TAFA2: variants seen among roughly 807,000 people sequenced by gnomAD.
TAFA2 encodes TAFA chemokine like family member 2.
A neutral mutation model predicts 18.8 loss-of-function variants in TAFA2; 7 were observed. That is an observed-to-expected ratio of 0.37 (90% CI 0.21 to 0.70). The LOEUF (loss-of-function observed/expected upper bound fraction) is 0.70, where lower values mean the gene tolerates loss of function less well. TAFA2 is among the 30% of genes least tolerant of loss of function. The pLI is 0.53. For synonymous variants in TAFA2, 60 were observed against 54.2 expected, an observed-to-expected ratio of 1.11 and a Z score of -0.47; for missense variants, 122 against 158.1, an observed-to-expected ratio of 0.77 and a Z score of 1.23.
chr12:61,816,776 G>C (rs1287374706), intron 2 of TAFA2, among the ~76,000 whole-genome samples: 2 of 151,200 alleles, frequency 1.3e-5, no homozygotes, highest in Non-Finnish European at 2.9e-5. Context: ...TTATTGAGGA[G>C]GTATTTAAGC....
intron 1 of TAFA2, among the ~76,000 whole-genome samples, chr12:61,953,121 G>A (rs748316321): frequency 6.6e-6 from 1 of 151,954 alleles, no homozygotes; most frequent in African/African-American, 2.4e-5. Flanking sequence ...TTCTTCTTGA[G>A]GTGAAGAGAA....
rs17126025 is a variant in TAFA2 at position 62,215,092 on chromosome 12, T to A, written c.-130+43671A>T. Among the ~76,000 whole-genome samples, 1,151 of 152,252 alleles carry A rather than the reference T, an allele frequency of 7.6e-3. 16 individuals are homozygous for A. The highest frequency in any genetic ancestry group is 0.027 in the African/African-American group (1,117 of 41,542). ...TAAGAGAGAGTACTAAGAAGTGAAA[T>A]CATTACTTTTGCACAAGCTATCTCT... On this transcript the variant is annotated intron_variant, in intron 1 of 5. Transcript: ENST00000551619.
intron 1 of TAFA2, among the ~76,000 whole-genome samples, chr12:62,054,886 A>G (rs949542271): frequency 5.9e-5 from 9 of 152,232 alleles, no homozygotes; most frequent in African/African-American, 2.2e-4. Flanking sequence ...TTTTTAAAAC[A>G]GTATTTTTTT....
In TAFA2 at chr12:62,010,019, T is replaced by C. The variant is rs369024194; in HGVS notation, c.-1-142593A>G. Among the ~76,000 whole-genome samples, 3 of 152,208 alleles carry C rather than the reference T, an allele frequency of 2.0e-5. No individual in the cohort carries two copies. In the East Asian group the frequency reaches 5.8e-4, roughly 29 times the overall value. On this transcript the variant is annotated intron_variant, in intron 1 of 4. Coordinates refer to ENST00000416284, the MANE Select transcript of TAFA2 (RefSeq NM_178539.5). Reference sequence around the variant, plus strand: ...GGTCAATTGAGGTAGTCTCATAACATATTTAAATGTGCCTAAGAAACACAC... The same window carrying C: ...GGTCAATTGAGGTAGTCTCATAACACATTTAAATGTGCCTAAGAAACACAC...
chr12:62,146,854 G>A (rs1409387147), intron 1 of TAFA2, among the ~76,000 whole-genome samples: 1 of 152,024 alleles, frequency 6.6e-6, no homozygotes, highest in Non-Finnish European at 1.5e-5. Flanking sequence ...CTTCTTTTGG[G>A]AGCTTTAAAA....
chr12:61,740,262 T>G (rs768151183), intron 4 of TAFA2, among the ~76,000 whole-genome samples: 1 of 151,648 alleles, frequency 6.6e-6, no homozygotes, highest in Non-Finnish European at 1.5e-5. Flanking sequence ...TTCTCACTCA[T>G]AAGTGGGAGT....
At chr12:61,721,250 G>T (rs1869884502) in intron 4 of TAFA2, among the ~76,000 whole-genome samples, 1 of 152,018 alleles carries the variant, frequency 6.6e-6, no homozygotes, top group South Asian at 2.1e-4. Flanking sequence ...TAAGAAAAAA[G>T]TTCATTAAAA....
chr12:62,090,755 T>A (rs1379930393), intron 1 of TAFA2, among the ~76,000 whole-genome samples: 1 of 152,102 alleles, frequency 6.6e-6, no homozygotes. Context: ...TCATTTTCCA[T>A]GGAAAATATT....
chr12:61,719,768 T>C (rs1283916282), intron 4 of TAFA2, among the ~76,000 whole-genome samples: 5 of 152,166 alleles, frequency 3.3e-5, no homozygotes, highest in Non-Finnish European at 7.3e-5. Flanking sequence ...GAAGAATATG[T>C]TGCTGTCACT....
intron 1 of TAFA2, among the ~76,000 whole-genome samples, chr12:61,990,362 CAG>C (rs1455271896): frequency 4.8e-5 from 2 of 41,600 alleles, no homozygotes; most frequent in Non-Finnish European, 8.5e-5. Flanking sequence ...TTTTTTGAGG[CAG>C]AGTCTCGCTC....
chr12:62,180,435 G>C (rs535008581), intron 1 of TAFA2, among the ~76,000 whole-genome samples: 1 of 152,094 alleles, frequency 6.6e-6, no homozygotes, highest in Non-Finnish European at 1.5e-5. Flanking sequence ...CATATTCAAG[G>C]GTTTTGAGAA....
chr12:62,110,435 TTTTC>T (rs887386212), intron 1 of TAFA2, among the ~76,000 whole-genome samples: 1 of 152,068 alleles, frequency 6.6e-6, no homozygotes, highest in African/African-American at 2.4e-5. Flanking sequence ...TGGCCTGGAA[TTTTC>T]TTTTTTTCTT....
At chr12:61,806,514 C>T (rs891847930) in intron 2 of TAFA2, among the ~76,000 whole-genome samples, 1 of 152,120 alleles carries the variant, frequency 6.6e-6, no homozygotes, top group African/African-American at 2.4e-5. Context: ...TAAATTGATA[C>T]CGGTAGAGTG....
At chr12:62,251,806 G>C (rs1455000454) in intron 1 of TAFA2, among the ~76,000 whole-genome samples, 1 of 151,920 alleles carries the variant, frequency 6.6e-6, no homozygotes, top group Non-Finnish European at 1.5e-5. Flanking sequence ...AACTACACAG[G>C]GTGCCTCTTT....
chr12:61,741,005 A>C (rs570596982), intron 4 of TAFA2, among the ~76,000 whole-genome samples: 1 of 152,156 alleles, frequency 6.6e-6, no homozygotes, highest in East Asian at 1.9e-4. Flanking sequence ...TTTTTGTTTT[A>C]ATTTGGCAAT....
intron 1 of TAFA2, among the ~76,000 whole-genome samples, chr12:61,881,337 G>A (rs1348903641): frequency 6.6e-6 from 1 of 152,120 alleles, no homozygotes; most frequent in Non-Finnish European, 1.5e-5. Context: ...ATATGGTACA[G>A]CCTACTACAC....
intron 2 of TAFA2, among the ~76,000 whole-genome samples, chr12:61,787,396 A>G (rs984279862): frequency 6.6e-6 from 1 of 151,650 alleles, no homozygotes; most frequent in African/African-American, 2.4e-5. Context: ...ACGTAAGTTT[A>G]TATTCAAACT....
At chr12:61,718,387 TA>T (rs1869753870) in intron 4 of TAFA2, among the ~76,000 whole-genome samples, 2 of 152,202 alleles carry the variant, frequency 1.3e-5, no homozygotes, top group African/African-American at 4.8e-5. Flanking sequence ...AAGTAGCTAA[TA>T]AATTCCTTTG....
intron 1 of TAFA2, among the ~76,000 whole-genome samples, chr12:62,078,797 T>G (rs1463957104): frequency 1.3e-5 from 2 of 151,770 alleles, no homozygotes; most frequent in Non-Finnish European, 2.9e-5. Context: ...GGCGTGATGT[T>G]AATTTCTATT....
Sources: gnomAD v4.1 joint callset for allele counts (sites outside exome capture counted in the v4.1 genomes callset) on GRCh38, gnomAD v4.1.1 for gene constraint, MANE v1.5 for transcripts, NCBI Gene and HGNC (gene_info 2026-07-23, HGNC 2026-07-21) for gene names.